Variants in ENTPD1 observed in about 807,000 individuals in gnomAD.
ENTPD1 encodes the protein ectonucleoside triphosphate diphosphohydrolase 1.
ENTPD1 carries 33 observed loss-of-function variants against 57.0 expected under a neutral mutation model. That is an observed-to-expected ratio of 0.58 (90% CI 0.44 to 0.77). ENTPD1 has a LOEUF of 0.77. Among genes scored for constraint, ENTPD1 ranks in the 30% least tolerant of loss-of-function variants. The pLI, the probability that ENTPD1 is intolerant of heterozygous loss-of-function variation, is 0.00. For synonymous variants in ENTPD1, 202 were observed against 218.8 expected (o/e 0.92, Z 0.68); for missense variants, 501 against 603.4 (o/e 0.83, Z 1.78).
chr10:95,841,115 G>A (rs1172071424), intron 3 of ENTPD1, among the ~76,000 whole-genome samples: 1 of 152,106 alleles, frequency 6.6e-6, no homozygotes, highest in African/African-American at 2.4e-5. Flanking sequence ...GGCCAAGCAC[G>A]GTGGCTCATG....
chr10:95,778,075 GA>G (rs1454398066), intron 1 of ENTPD1, among the ~76,000 whole-genome samples: 1 of 152,174 alleles, frequency 6.6e-6, no homozygotes, highest in Non-Finnish European at 1.5e-5. Flanking sequence ...CTAGGAAAGG[GA>G]AATCCCCTGA....
At chr10:95,755,984 T>C (rs1214697721), upstream of ENTPD1, 2 of 1,464,830 alleles carry the variant, frequency 1.4e-6, no homozygotes, top group South Asian at 1.5e-5. Flanking sequence ...AATTACAACC[T>C]GGAAAAGGCT....
At chr10:95,707,125 A>G (rs1473901573), upstream of ENTPD1, among the ~76,000 whole-genome samples, 1 of 151,578 alleles carries the variant, frequency 6.6e-6, no homozygotes, top group Non-Finnish European at 1.5e-5. Flanking sequence ...CTTGTTCCCA[A>G]CTCCTGCCTG....
intron 1 of ENTPD1, among the ~76,000 whole-genome samples, chr10:95,787,705 A>G (rs2098186217): frequency 6.6e-6 from 1 of 152,184 alleles, no homozygotes; most frequent in African/African-American, 2.4e-5. Flanking sequence ...GTAAATTATT[A>G]TTGTTTAAAG....
At chr10:95,741,633 G>C (rs185800585) in intron 1 of ENTPD1, among the ~76,000 whole-genome samples, 2 of 152,294 alleles carry the variant, frequency 1.3e-5, no homozygotes, top group Admixed American at 6.5e-5. Flanking sequence ...AGTGGAGTAT[G>C]CCTGTAAGAA....
intron 1 of ENTPD1, among the ~76,000 whole-genome samples, chr10:95,725,926 C>T (rs1163956009): frequency 6.6e-6 from 1 of 152,212 alleles, no homozygotes; most frequent in Non-Finnish European, 1.5e-5. Flanking sequence ...ATCTAGCTGG[C>T]AAAAGTGGTT....
intron 6 of ENTPD1, chr10:95,846,467 A>C (rs11188504): frequency 0.27 from 40,963 of 152,206 alleles, 6,366 homozygotes; most frequent in Admixed American, 0.38. Context: ...CCTGACAAGC[A>C]AACACAAAGC....
At chr10:95,774,937 A>G (rs552695547) in intron 1 of ENTPD1, among the ~76,000 whole-genome samples, 4 of 152,158 alleles carry the variant, frequency 2.6e-5, no homozygotes, top group Admixed American at 1.3e-4. Flanking sequence ...GGCCATTTTC[A>G]TGATATTGAT....
Position 95,874,892 on chromosome 10 carries a change from GCT to G in ENTPD1, c.*8511_*8512del, listed in dbSNP as rs2098484240. 6.6e-6 allele frequency among the ~76,000 whole-genome samples: 1 copy of G among 152,218 alleles called. No individual in the cohort carries two copies. The highest frequency in any genetic ancestry group is 6.5e-5 in the Admixed American group (1 of 15,278). ...AAGCCACAGCCCAAGCTCTATGTTG[GCT>G]CCTTTCAGCCATGGCTGGAGCAGCT... On this transcript the variant is annotated 3_prime_UTR_variant, in exon 10 of 10. Transcript: ENST00000371205.
rs76043393 is a variant in ENTPD1 at position 95,742,096 on chromosome 10, G to A, written c.37+30103G>A. Among the ~76,000 whole-genome samples the A allele has an allele frequency of 8.3e-3, 1,260 of 152,272 alleles. 9 individuals are homozygous for A. The highest frequency in any genetic ancestry group is 0.031 in the Middle Eastern group (9 of 294). On this transcript the variant is annotated intron_variant, in intron 1 of 9. Coordinates refer to the ENTPD1 transcript ENST00000453258. ...TGTGGGCCATGCTGATAAGGTCATC[G>A]GCATTAGTCTAAGGGCCATGTGTTC...
intron 8 of ENTPD1, among the ~76,000 whole-genome samples, chr10:95,864,196 T>G (rs892065005): frequency 2.0e-5 from 3 of 152,218 alleles, no homozygotes; most frequent in Non-Finnish European, 4.4e-5. Flanking sequence ...TCCACAGCTG[T>G]GTTTCTCAAA....
intron 1 of ENTPD1, among the ~76,000 whole-genome samples, chr10:95,800,830 G>A (rs1177828270): frequency 6.6e-6 from 1 of 152,128 alleles, no homozygotes; most frequent in Admixed American, 6.5e-5. Context: ...TTTTCAGGGT[G>A]CACTGATTTT....
rs117194922 is a variant in ENTPD1 at position 95,740,876 on chromosome 10, A to T, written c.37+28883A>T. 4.5e-3 allele frequency among the ~76,000 whole-genome samples: 688 copies of T among 152,338 alleles called. 3 individuals are homozygous for T. The highest frequency in any genetic ancestry group is 7.7e-3 in the Non-Finnish European group (523 of 68,028). Reference sequence around the variant, plus strand: ...AGCTTTCTTACCTTTCTCAGCCTTCATAGAACTGAAGAGAGTTAAGGTCTT... The same window carrying T: ...AGCTTTCTTACCTTTCTCAGCCTTCTTAGAACTGAAGAGAGTTAAGGTCTT... On this transcript the variant is annotated intron_variant, in intron 1 of 9. Coordinates refer to the ENTPD1 transcript ENST00000453258.
At chr10:95,827,509 G>A (rs570518804) in intron 2 of ENTPD1, among the ~76,000 whole-genome samples, 24 of 152,012 alleles carry the variant, frequency 1.6e-4, no homozygotes, top group African/African-American at 3.9e-4. Context: ...TTTTTGAGAC[G>A]GAGTTTCGCT....
rs193277455 is a variant in ENTPD1, at chr10:95,761,012, A to G, written c.16+4757A>G. On this transcript the variant is annotated intron_variant, in intron 1 of 9. Coordinates refer to ENST00000371205, the MANE Select transcript of ENTPD1 (RefSeq NM_001776.6). ...ACCCGGCTAATTTTTTGTAATTTTT[A>G]GTAGAGACGGGGTTTCACTGTGTTA... Among the ~76,000 whole-genome samples the G allele has an allele frequency of 2.8e-3, 419 of 151,850 alleles. 2 individuals carry two copies. The highest frequency in any genetic ancestry group is 5.1e-3 in the Non-Finnish European group (347 of 67,926).
the ENTPD1 span, among the ~76,000 whole-genome samples, chr10:95,703,167 A>C: frequency 6.6e-5 from 10 of 152,188 alleles, no homozygotes; most frequent in Non-Finnish European, 2.9e-5. Flanking sequence ...TTGTATACCC[A>C]GCAAAAGATT....
rs139646807 is a variant in ENTPD1, at chr10:95,866,188, C to T, written c.1338C>T (p.Ser446=). 262 of 1,613,456 alleles carry T rather than the reference C, an allele frequency of 1.6e-4. 1 individual carries two copies. Among genetic ancestry groups the T allele is most frequent in the Middle Eastern group, 6.6e-4 (4 of 6,082 alleles). The change falls in exon 10 of 10, where the codon AGC becomes AGT. Residue 446 remains serine (S), a synonymous_variant. Coordinates refer to ENST00000371205, the MANE Select transcript of ENTPD1 (RefSeq NM_001776.6). Reference sequence around the variant, plus strand: ...CCCACTGTTTGCAGATCCAGGGCAGCGACGCCGGCTGGACTTTGGGCTACA... The same window carrying T: ...CCCACTGTTTGCAGATCCAGGGCAGTGACGCCGGCTGGACTTTGGGCTACA... The part of the protein sequence containing the change: ...HIHFIGKIQG[S]DAGWTLGYML...
In ENTPD1 at chr10:95,868,421, G is replaced by C. The variant is rs1186887756; in HGVS notation, c.*2038G>C. On this transcript the variant is annotated 3_prime_UTR_variant, in exon 10 of 10. Transcript: ENST00000371205. ...TTGGATGGAAGCACATCTGGCATAT[G>C]ATGCTAATCAGTGGTTCCCATACCC... The C allele has an allele frequency of 1.0e-6, 1 of 985,308 alleles. No homozygotes were observed. The highest frequency in any genetic ancestry group is 1.2e-6 in the Non-Finnish European group (1 of 829,942). 61.0% of individuals were successfully genotyped at this position (985,308 alleles called of 1,614,324 possible).
intron 1 of ENTPD1, among the ~76,000 whole-genome samples, chr10:95,743,425 T>C (rs1397478301): frequency 3.3e-5 from 5 of 152,204 alleles, no homozygotes; most frequent in Non-Finnish European, 7.3e-5. Flanking sequence ...TTTTCTCTGC[T>C]GCACTCTTTG....
Sources: allele counts gnomAD v4.1 joint callset (sites outside exome capture counted in the v4.1 genomes callset), GRCh38; gene constraint gnomAD v4.1.1; transcripts MANE v1.5; gene names NCBI Gene and HGNC (gene_info 2026-07-23, HGNC 2026-07-21).